Variants in HDX observed in about 807,000 individuals in gnomAD.
HDX encodes the protein highly divergent homeobox.
HDX carries 19 observed loss-of-function variants against 45.2 expected under a neutral mutation model. The observed-to-expected ratio is 0.42, with a 90% CI of 0.29 to 0.62. The LOEUF (loss-of-function observed/expected upper bound fraction) is 0.62. HDX is among the 20% of genes least tolerant of loss of function. HDX has a pLI of 0.20. For synonymous variants in HDX, 188 were observed against 172.8 expected, an observed-to-expected ratio of 1.09 and a Z score of -0.69; for missense variants, 532 against 493.9, an observed-to-expected ratio of 1.08 and a Z score of -0.73.
At chrX:84,488,900 C>T (rs913475478) in intron 1 of HDX, among the ~76,000 whole-genome samples, 9 of 111,683 alleles carry the variant, frequency 8.1e-5, no homozygotes, top group African/African-American at 2.9e-4. Context: ...TTTGCATATC[C>T]TTTTTATAGT....
At chrX:84,356,011 A>G (rs1201729409) in intron 6 of HDX, among the ~76,000 whole-genome samples, 1 of 110,792 alleles carries the variant, frequency 9.0e-6, no homozygotes, top group Non-Finnish European at 1.9e-5. Flanking sequence ...ACATGCACAT[A>G]ATTAACAATC....
intron 5 of HDX, among the ~76,000 whole-genome samples, chrX:84,387,246 T>C (rs2038340419): frequency 8.9e-6 from 1 of 112,127 alleles, no homozygotes; most frequent in Non-Finnish European, 1.9e-5. Flanking sequence ...AAGACTTGCT[T>C]TATGTCTGAG....
At chrX:84,386,585 CTG>C (rs1410041013) in intron 5 of HDX, among the ~76,000 whole-genome samples, 2 of 111,580 alleles carry the variant, frequency 1.8e-5, no homozygotes, top group East Asian at 5.6e-4. Context: ...TCATAGAAGA[CTG>C]TGTGTTTACA....
chrX:84,457,105 G>A (rs1357208457), intron 4 of HDX, among the ~76,000 whole-genome samples: 3 of 111,677 alleles, frequency 2.7e-5, no homozygotes, highest in African/African-American at 9.7e-5. Context: ...TCATTCTCAA[G>A]AATAGACCAC....
chrX:84,444,175 A>G (rs2039823301), intron 4 of HDX, among the ~76,000 whole-genome samples: 1 of 111,244 alleles, frequency 9.0e-6, no homozygotes, highest in Non-Finnish European at 1.9e-5. Flanking sequence ...ACGGTGGAAT[A>G]AAAAGACAGG....
At chrX:84,347,644 T>C (rs2037237222) in intron 6 of HDX, among the ~76,000 whole-genome samples, 2 of 111,629 alleles carry the variant, frequency 1.8e-5, no homozygotes, top group African/African-American at 6.5e-5. Flanking sequence ...GGCAACAAAT[T>C]CCTTCAATTT....
chrX:84,387,764 A>T (rs2147923288), intron 5 of HDX, among the ~76,000 whole-genome samples: 1 of 111,540 alleles, frequency 9.0e-6, no homozygotes, highest in Non-Finnish European at 1.9e-5. Context: ...CTTCTCTTTT[A>T]TCCAGCGTGC....
chrX:84,439,054 CTTTTG>C (rs2039701757), intron 5 of HDX, among the ~76,000 whole-genome samples: 2 of 111,052 alleles, frequency 1.8e-5, no homozygotes, highest in Admixed American at 9.5e-5. Context: ...CTGGTTTTTT[CTTTTG>C]TTTTGTTTTT....
At chrX:84,432,419 G>A (rs1364841440) in intron 5 of HDX, among the ~76,000 whole-genome samples, 1 of 111,838 alleles carries the variant, frequency 8.9e-6, no homozygotes, top group Non-Finnish European at 1.9e-5. Flanking sequence ...GGATTGCTTT[G>A]GGCAGGTGGC....
At position 84,321,893 on chromosome X, in the gene HDX, A is replaced by C; in HGVS notation, c.2069T>G (p.Leu690Trp). 8.4e-7 allele frequency: 1 copy of C among 1,188,452 alleles called. No homozygotes were observed. The highest frequency in any genetic ancestry group is 1.1e-6 in the Non-Finnish European group (1 of 882,160). Residue 690 changes from leucine to tryptophan, a missense_variant, in exon 11 of 11, where the codon TTG (leucine) becomes TGG (tryptophan). This residue lies in a region of HDX where 151 missense variants were observed against 131.8 expected (regional missense o/e 1.15). Coordinates refer to ENST00000373177, the MANE Select transcript of HDX (RefSeq NM_001177479.2). The stretch of plus-strand genomic sequence containing the variant: ...ATATATTCCCTCCAACTGAAATCAC[A>C]AACTTTCTGAGACATTTTTCTCTGA... ...SLSEKNVSES[L>W]
chrX:84,408,492 C>A (rs2038887451), intron 5 of HDX, among the ~76,000 whole-genome samples: 1 of 81,798 alleles, frequency 1.2e-5, no homozygotes, highest in African/African-American at 4.1e-5. Context: ...GTGATGCCTC[C>A]AGCTTTGTTT....
intron 6 of HDX, among the ~76,000 whole-genome samples, chrX:84,354,278 C>T (rs1330923984): frequency 9.0e-6 from 1 of 111,687 alleles, no homozygotes; most frequent in East Asian, 2.8e-4. Flanking sequence ...AAAATGAGTA[C>T]TCTAAAGCCC....
chrX:84,335,328 A>G (rs2036937473), intron 8 of HDX, among the ~76,000 whole-genome samples: 1 of 111,172 alleles, frequency 9.0e-6, no homozygotes, highest in African/African-American at 3.3e-5. Context: ...AATAGGTCTT[A>G]TATGTCTGTT....
chrX:84,480,697 A>C (rs1177082573), intron 2 of HDX, among the ~76,000 whole-genome samples: 1 of 110,817 alleles, frequency 9.0e-6, no homozygotes, highest in Non-Finnish European at 1.9e-5. Flanking sequence ...CCTGCCTTCT[A>C]TTCCTGGAAT....
chrX:84,405,588 C>CTTTTTTTTTTTTTTTTTTGTTTTTTTT (rs2038799307), intron 5 of HDX, among the ~76,000 whole-genome samples: 1 of 58,209 alleles, frequency 1.7e-5, no homozygotes. Flanking sequence ...GGATTTTCTG[C>CTTTTTTTTTTTTTTTTTTGTTTTTTTT]TTTTTTTTTT....
chrX:84,484,212 T>C (rs1380495756), intron 2 of HDX, among the ~76,000 whole-genome samples: 1 of 111,882 alleles, frequency 8.9e-6, no homozygotes, highest in African/African-American at 3.2e-5. Context: ...CTTATAGCAG[T>C]GCCCCATTCC....
intron 5 of HDX, among the ~76,000 whole-genome samples, chrX:84,428,647 A>G (rs1321384673): frequency 9.0e-6 from 1 of 111,155 alleles, no homozygotes; most frequent in Admixed American, 9.5e-5. Context: ...ATGTATTTTA[A>G]CAGGTAAGGA....
At chrX:84,415,301 G>T (rs186716392) in intron 5 of HDX, among the ~76,000 whole-genome samples, 1 of 112,181 alleles carries the variant, frequency 8.9e-6, no homozygotes, top group Non-Finnish European at 1.9e-5. Context: ...ACCAGAGGGA[G>T]AACAGAAAGT....
chrX:84,500,380 A>G (rs1470422241), intron 1 of HDX: 2 of 110,650 alleles, frequency 1.8e-5, no homozygotes, highest in East Asian at 2.8e-4. Context: ...CAGATAATAA[A>G]GAAATGGATG....
Sources: allele counts gnomAD v4.1 joint callset (sites outside exome capture counted in the v4.1 genomes callset), GRCh38; gene constraint gnomAD v4.1.1; regional missense constraint gnomAD v4.1.1; transcripts MANE v1.5; gene names NCBI Gene and HGNC (gene_info 2026-07-23, HGNC 2026-07-21).